Variants in PDLIM4 observed in about 807,000 individuals in gnomAD.
PDLIM4 encodes PDZ and LIM domain 4, also known as PDZ and LIM domain protein 4.
A neutral mutation model predicts 31.3 loss-of-function variants in PDLIM4; 19 were observed. That is an observed-to-expected ratio of 0.61 (90% CI 0.42 to 0.89). PDLIM4 has a LOEUF of 0.89. PDLIM4 is among the 40% of genes least tolerant of loss of function. The pLI is 0.00. For missense variants in PDLIM4, 442 were observed against 461.1 expected, an observed-to-expected ratio of 0.96 and a Z score of 0.38; for synonymous variants, 176 against 190.1, an observed-to-expected ratio of 0.93 and a Z score of 0.61.
chr5:132,262,787 G>T, intron 2 of PDLIM4, 27 bp downstream of exon 2: 1 of 1,592,408 alleles, frequency 6.3e-7, no homozygotes, highest in South Asian at 1.1e-5. Flanking sequence ...TGGGCTGGGA[G>T]GATGGAAGGA....
chr5:132,267,164 ACT>A (rs1756509335), intron 3 of PDLIM4, among the ~76,000 whole-genome samples: 1 of 152,166 alleles, frequency 6.6e-6, no homozygotes, highest in South Asian at 2.1e-4. Flanking sequence ...AGTGGGGATG[ACT>A]GAGGTATCCA....
intron 3 of PDLIM4, among the ~76,000 whole-genome samples, chr5:132,268,208 G>C (rs948648301): frequency 6.6e-6 from 1 of 152,218 alleles, no homozygotes; most frequent in African/African-American, 2.4e-5. Flanking sequence ...CCCCTCAGCT[G>C]CTGCCCCACT....
At chr5:132,259,618 G>A (rs1756330684) in intron 1 of PDLIM4, among the ~76,000 whole-genome samples, 2 of 152,312 alleles carry the variant, frequency 1.3e-5, no homozygotes, top group South Asian at 4.1e-4. Context: ...GTACCTCTGG[G>A]GCAGGTCTAC....
rs995917661 is a variant in PDLIM4 at position 132,262,081 on chromosome 5, C to T, written c.94-528C>T. On this transcript the variant is annotated intron_variant, in intron 1 of 6. Coordinates refer to ENST00000253754, the MANE Select transcript of PDLIM4 (RefSeq NM_003687.4). ...GTGAGTGATATATGGTGCCTGTGAG[C>T]ACCCCATAGACATTCACATGGTCTG... is the stretch of plus-strand genomic sequence containing the variant. Among the ~76,000 whole-genome samples the T allele has an allele frequency of 1.1e-4, 17 of 152,248 alleles. No homozygotes were observed. In the South Asian group the frequency reaches 1.9e-3, roughly 17 times the overall value.
intron 3 of PDLIM4, among the ~76,000 whole-genome samples, chr5:132,267,564 G>A (rs1196940613): frequency 6.6e-6 from 1 of 152,210 alleles, no homozygotes; most frequent in African/African-American, 2.4e-5. Flanking sequence ...AGGAGTCAAG[G>A]AGTGCTTCCT....
chr5:132,266,590 C>A, intron 3 of PDLIM4, 45 bp downstream of exon 3: 1 of 1,347,956 alleles, frequency 7.4e-7, no homozygotes, highest in Non-Finnish European at 1.1e-6. Flanking sequence ...AGAGTGAGCC[C>A]AGGGCAGAGG....
At chr5:132,268,064 G>T (rs192880330) in intron 3 of PDLIM4, among the ~76,000 whole-genome samples, 3 of 152,244 alleles carry the variant, frequency 2.0e-5, no homozygotes, top group Admixed American at 1.3e-4. Flanking sequence ...GCTCAGGGCC[G>T]GTGGGCCTGG....
In PDLIM4 at chr5:132,271,112, C is replaced by A; in HGVS notation, c.506+19C>A. On this transcript the variant is annotated intron_variant, in intron 4 of 6. Transcript: ENST00000253754. ...CCCCCAGGTAGCACAGAGATGCCTTCGGTGCCATGCCCAGAACCCATCTTA... is the reference window on the plus strand; with the variant it reads ...CCCCCAGGTAGCACAGAGATGCCTTAGGTGCCATGCCCAGAACCCATCTTA... 2 of 1,609,204 alleles carry A rather than the reference C, an allele frequency of 1.2e-6. No individual in the cohort carries two copies. Among genetic ancestry groups the A allele is most frequent in the Admixed American group, 1.7e-5 (1 of 59,906 alleles).
rs1756633532 is a variant in PDLIM4 at position 132,271,993 on chromosome 5, T to A, written c.789-32T>A. On this transcript the variant is annotated intron_variant, in intron 6 of 6. Coordinates refer to ENST00000253754, the MANE Select transcript of PDLIM4 (RefSeq NM_003687.4). ...GCGCAGTCGTGAACCCATCAGTCAC[T>A]CGACGCTGTCCTGTCTCGTTCCCCC... The A allele has an allele frequency of 3.1e-6, 5 of 1,609,412 alleles. No homozygotes were observed. In the East Asian group the frequency reaches 1.1e-4, roughly 36 times the overall value.
chr5:132,270,951 A>G lies in PDLIM4; in HGVS notation c.364A>G (p.Thr122Ala), dbSNP rs1202452936. ...AACAACCAGCAGGCGGCCCTCAGGCACCGGGACTGGGCCAGAAGATGGCAG... is the reference window on the plus strand; with the variant it reads ...AACAACCAGCAGGCGGCCCTCAGGCGCCGGGACTGGGCCAGAAGATGGCAG... ...SPTTSRRPSG[T>A]GTGPEDGRPS... The change falls in exon 4 of 7, where the codon ACC becomes GCC. Residue 122 changes from threonine to alanine, a missense_variant. Physicochemically the swap from Thr to Ala is moderately conservative, Grantham distance 58. Transcript: ENST00000253754. 1 of 1,614,016 alleles carries G rather than the reference A, an allele frequency of 6.2e-7. No homozygotes were observed. Among genetic ancestry groups the G allele is most frequent in the African/African-American group, 1.3e-5 (1 of 74,920 alleles).
At position 132,270,900 on chromosome 5, in the gene PDLIM4, G is replaced by T. The variant is rs781725261; in HGVS notation, c.328-15G>T. 5 of 1,613,176 alleles carry T rather than the reference G, an allele frequency of 3.1e-6. 1 individual carries two copies. The South Asian group carries it at 5.5e-5, about 18-fold the overall frequency. On this transcript the variant is annotated splice_polypyrimidine_tract_variant and intron_variant, in intron 3 of 6. Transcript: ENST00000253754. ...GCCAGAGGGTCTCCCAGTGCCTTAG[G>T]CCTCTCTCTAATAGGACGGCAGCCC... is the stretch of plus-strand genomic sequence containing the variant.
rs1050805 is a variant in PDLIM4 at position 132,271,011 on chromosome 5, C to G, written c.424C>G (p.Arg142Gly). ...GGGATCTCCATATGGACAACCCCCT[C>G]GCTTTCCAGTCCCTCACAATGGCAG... ...SLGSPYGQPP[R>G]FPVPHNGSSE... The change falls in exon 4 of 7, where the codon CGC (arginine) becomes GGC (glycine). Residue 142 changes from arginine (R) to glycine (G), a missense_variant. Coordinates refer to ENST00000253754, the MANE Select transcript of PDLIM4 (RefSeq NM_003687.4). 4.0e-5 allele frequency: 65 copies of G among 1,614,002 alleles called. 1 individual carries two copies. The highest frequency in any genetic ancestry group is 5.4e-5 in the Non-Finnish European group (64 of 1,179,990).
intron 2 of PDLIM4, among the ~76,000 whole-genome samples, chr5:132,264,230 TTTCC>T (rs951755183): frequency 7.2e-5 from 11 of 151,982 alleles, no homozygotes; most frequent in Admixed American, 2.0e-4. Flanking sequence ...CCCCTCCTTC[TTTCC>T]TTCCTTCCTT....
chr5:132,265,900 G>A (rs1291047843), intron 2 of PDLIM4, among the ~76,000 whole-genome samples: 2 of 152,204 alleles, frequency 1.3e-5, no homozygotes, highest in Non-Finnish European at 2.9e-5. Context: ...CTATGGCGAA[G>A]CAGGAATTTC....
Position 132,257,873 on chromosome 5 carries a change from A to G in PDLIM4, c.93+46A>G, listed in dbSNP as rs1756279096. ...GCGGCAGGGCGGTCCCATGTCTGAG[A>G]CCGGGTTCTCGCGGTCCGCCCGGGA... On this transcript the variant is annotated intron_variant, in intron 1 of 6. Transcript: ENST00000253754. The surrounding 1 kb of genome is among the most constrained non-coding windows in gnomAD (Gnocchi z 4.3). The G allele has an allele frequency of 6.0e-6, 7 of 1,170,796 alleles. No homozygotes were observed. The highest frequency in any genetic ancestry group is 8.1e-6 in the Non-Finnish European group (7 of 864,862). 72.5% of individuals were successfully genotyped at this position (1,170,796 alleles called of 1,614,324 possible). A position where few individuals can be genotyped will look rare whatever the true frequency, so the allele number is the denominator to read the frequency against.
chr5:132,269,750 G>A (rs1438712220), intron 3 of PDLIM4, among the ~76,000 whole-genome samples: 2 of 152,170 alleles, frequency 1.3e-5, no homozygotes, highest in Middle Eastern at 3.2e-3. Flanking sequence ...ACACTGTAGA[G>A]CAGAGGAGGT....
chr5:132,259,737 C>T (rs1479078884), intron 1 of PDLIM4, among the ~76,000 whole-genome samples: 1 of 152,186 alleles, frequency 6.6e-6, no homozygotes, highest in Admixed American at 6.5e-5. Flanking sequence ...GGGACAGCCT[C>T]ACACAGACAG....
In PDLIM4 at chr5:132,271,005, C is replaced by T. The variant is rs762479100; in HGVS notation, c.418C>T (p.Pro140Ser). ...AAGCCTGGGATCTCCATATGGACAA[C>T]CCCCTCGCTTTCCAGTCCCTCACAA... is the stretch of plus-strand genomic sequence containing the variant. ...RPSLGSPYGQ[P>S]PRFPVPHNGS... The change falls in exon 4 of 7, where the codon CCC becomes TCC. Residue 140 changes from proline (P) to serine (S), a missense_variant. By Grantham distance (74) the Pro-to-Ser change is moderately conservative. Transcript: ENST00000253754. 2.5e-6 allele frequency: 4 copies of T among 1,614,088 alleles called. No homozygotes were observed. In the African/African-American group the frequency reaches 4.0e-5, roughly 16 times the overall value.
intron 1 of PDLIM4, among the ~76,000 whole-genome samples, chr5:132,262,262 G>A (rs750459140): frequency 2.6e-5 from 4 of 152,192 alleles, no homozygotes; most frequent in Admixed American, 1.3e-4. Context: ...TGCTGTGTAT[G>A]TATCTGTGAG....
Sources: allele counts gnomAD v4.1 joint callset (sites outside exome capture counted in the v4.1 genomes callset), GRCh38; gene constraint gnomAD v4.1.1; non-coding constraint Gnocchi (gnomAD v3.1); transcripts MANE v1.5; gene names NCBI Gene and HGNC (gene_info 2026-07-23, HGNC 2026-07-21).